Variants in TBCK observed in about 807,000 individuals in gnomAD.
The protein encoded by TBCK is TBC1 domain containing kinase, also known as TBC domain-containing protein kinase-like protein.
In TBCK, 99 loss-of-function variants were observed where a neutral mutation model predicts 113.4. That is an observed-to-expected ratio of 0.87 (90% CI 0.74 to 1.03). TBCK has a LOEUF of 1.03. Ranked by LOEUF, TBCK falls within the 50% of genes least tolerant of loss-of-function variation. The pLI is 0.00. For missense variants in TBCK, 1,045 were observed against 1,061.3 expected (o/e 0.98, Z 0.21); for synonymous variants, 369 against 370.8 (o/e 1.00, Z 0.05).
At chr4:106,184,888 T>C (rs961883327) in intron 22 of TBCK, among the ~76,000 whole-genome samples, 16 of 152,140 alleles carry the variant, frequency 1.1e-4, no homozygotes, top group Non-Finnish European at 4.4e-5. Context: ...TTTTCTATTC[T>C]TAACATAGTT....
At chr4:106,212,945 G>C in intron 19 of TBCK, 110 bp from the exon 20 acceptor site, 1 of 696,934 alleles carries the variant, frequency 1.4e-6, no homozygotes, top group Non-Finnish European at 2.4e-6. Flanking sequence ...TTCTCCATGA[G>C]AATACTTTAC....
chr4:106,151,649 G>A (rs1191880653), intron 23 of TBCK, among the ~76,000 whole-genome samples: 1 of 151,752 alleles, frequency 6.6e-6, no homozygotes, highest in Non-Finnish European at 1.5e-5. Context: ...ATTTTAATAG[G>A]GATTGCATTA....
chr4:106,212,111 G>A (rs750049123), intron 20 of TBCK, among the ~76,000 whole-genome samples: 6 of 151,892 alleles, frequency 4.0e-5, no homozygotes, highest in Non-Finnish European at 8.8e-5. Flanking sequence ...CCATCACCAA[G>A]CAGCTAACTT....
At chr4:106,192,900 A>C (rs997422724) in intron 22 of TBCK, among the ~76,000 whole-genome samples, 4 of 152,148 alleles carry the variant, frequency 2.6e-5, no homozygotes, top group African/African-American at 9.7e-5. Flanking sequence ...GGATGCTGTC[A>C]ATAAAGTACT....
In TBCK at chr4:106,116,345, A is replaced by C. The variant is rs1743500628; in HGVS notation, c.2269T>G (p.Ser757Ala). The change falls in exon 24 of 26, where the codon TCA becomes GCA. Residue 757 changes from serine to alanine, a missense_variant. Coordinates refer to ENST00000394708, the MANE Select transcript of TBCK (RefSeq NM_001163435.3). ...GCTGAAATCCGTGGTGATACTTCTG[A>C]CTTCAGGTCATTTAATGGGATGGAT... The part of the protein sequence containing the change: ...RESIPLNDLK[S>A]EVSPRISAED... 6.2e-7 allele frequency: 1 copy of C among 1,613,768 alleles called. No individual in the cohort carries two copies. The highest frequency in any genetic ancestry group is 8.5e-7 in the Non-Finnish European group (1 of 1,179,902).
Position 106,046,625 on chromosome 4 carries a change from C to T in TBCK, c.2627G>A (p.Gly876Asp), listed in dbSNP as rs1196537320. Residue 876 changes from glycine to aspartate, a missense_variant, in exon 26 of 26, where the codon GGC becomes GAC. Physicochemically the swap from Gly to Asp is moderately conservative, Grantham distance 94. Coordinates refer to ENST00000394708, the MANE Select transcript of TBCK (RefSeq NM_001163435.3). ...KYPRICILDG[G>D]INKIKPTGLL... ...GCCTGTTGGCTTTATTTTATTAATG[C>T]CACCATCTAGAATACAGATTCTTGG... The T allele has an allele frequency of 3.7e-6, 6 of 1,612,696 alleles. No homozygotes were observed. The highest frequency in any genetic ancestry group is 3.3e-5 in the Admixed American group (2 of 59,978).
At chr4:106,178,410 A>G (rs1284984794) in intron 22 of TBCK, among the ~76,000 whole-genome samples, 1 of 151,972 alleles carries the variant, frequency 6.6e-6, no homozygotes, top group African/African-American at 2.4e-5. Context: ...TTTACAAAAA[A>G]GCCTGTTGGT....
At chr4:106,244,082 C>G (rs774887493) in intron 11 of TBCK, among the ~76,000 whole-genome samples, 1 of 152,080 alleles carries the variant, frequency 6.6e-6, no homozygotes, top group African/African-American at 2.4e-5. Context: ...ACAATCTTAG[C>G]CCCAAGGCTG....
intron 23 of TBCK, among the ~76,000 whole-genome samples, chr4:106,119,988 C>T (rs868667718): frequency 2.6e-5 from 4 of 152,256 alleles, no homozygotes; most frequent in Non-Finnish European, 4.4e-5. Context: ...AGGAACAGCT[C>T]GGGTCTACAG....
intron 25 of TBCK, among the ~76,000 whole-genome samples, chr4:106,057,027 G>C (rs769476655): frequency 9.3e-4 from 142 of 151,894 alleles, no homozygotes; most frequent in Non-Finnish European, 1.7e-3. Flanking sequence ...TACAAAGAAA[G>C]TAAGGAAAGA....
rs189414779 is a variant in TBCK at position 106,043,315 on chromosome 4, T to C, written c.*3255A>G. 2 of 152,304 alleles carry C rather than the reference T, an allele frequency of 1.3e-5. No homozygotes were observed. Among genetic ancestry groups the C allele is most frequent in the Admixed American group, 6.5e-5 (1 of 15,300 alleles). 9.4% of individuals were successfully genotyped at this position (152,304 alleles called of 1,614,324 possible). ...TTAGAGCTGGATGGGACTTTAGAGA[T>C]CCTTTTTTCACTCCATGAATTGAGA... On this transcript the variant is annotated 3_prime_UTR_variant, in exon 26 of 26. Coordinates refer to ENST00000394708, the MANE Select transcript of TBCK (RefSeq NM_001163435.3).
chr4:106,233,378 A>G (rs1396179445), intron 16 of TBCK, among the ~76,000 whole-genome samples: 1 of 152,062 alleles, frequency 6.6e-6, no homozygotes, highest in African/African-American at 2.4e-5. Flanking sequence ...GAAGAACTAC[A>G]GTATTTTTAA....
chr4:106,124,120 T>G (rs1257654560), intron 23 of TBCK, among the ~76,000 whole-genome samples: 2 of 151,472 alleles, frequency 1.3e-5, no homozygotes, highest in African/African-American at 4.9e-5. Flanking sequence ...AGGGCTAATA[T>G]CCAGAATCTA....
chr4:106,257,687 G>C lies in TBCK; in HGVS notation c.455+2750C>G, dbSNP rs1345996747. On this transcript the variant is annotated intron_variant, in intron 5 of 25. Coordinates refer to ENST00000394708, the MANE Select transcript of TBCK (RefSeq NM_001163435.3). ...TCCAAATGAATGTGTGATATCTCTA[G>C]AAACAGCTGAAGTCTAGTGGAAGCA... 2.0e-5 allele frequency among the ~76,000 whole-genome samples: 3 copies of C among 152,006 alleles called. No homozygotes were observed. The South Asian group carries it at 6.2e-4, about 32-fold the overall frequency.
intron 22 of TBCK, among the ~76,000 whole-genome samples, chr4:106,172,010 T>G (rs1040673332): frequency 1.3e-5 from 2 of 152,062 alleles, no homozygotes; most frequent in African/African-American, 4.8e-5. Flanking sequence ...TTTTGTATTT[T>G]TAGTAGACAT....
At chr4:106,060,749 C>G (rs899598692) in intron 25 of TBCK, among the ~76,000 whole-genome samples, 6 of 151,770 alleles carry the variant, frequency 4.0e-5, no homozygotes, top group Non-Finnish European at 8.8e-5. Flanking sequence ...TCTGATGCAT[C>G]TGGGCAAAAT....
At chr4:106,070,260 T>C (rs1030961807) in intron 25 of TBCK, among the ~76,000 whole-genome samples, 6 of 152,342 alleles carry the variant, frequency 3.9e-5, no homozygotes, top group African/African-American at 1.4e-4. Flanking sequence ...CCATTCAGTA[T>C]GATATTGGCT....
chr4:106,113,338 C>T lies in TBCK; in HGVS notation c.2411+2865G>A, dbSNP rs569021685. On this transcript the variant is annotated intron_variant, in intron 24 of 25. Coordinates refer to ENST00000394708, the MANE Select transcript of TBCK (RefSeq NM_001163435.3). ...AAAAGGGGGAATATGAGTAAGGACC[C>T]TGCAACACTACTAGCACAAGCCTTA... Among the ~76,000 whole-genome samples, 13 of 152,278 alleles carry T rather than the reference C, an allele frequency of 8.5e-5. No homozygotes were observed. In the South Asian group the frequency reaches 2.7e-3, roughly 32 times the overall value.
intron 2 of TBCK, among the ~76,000 whole-genome samples, chr4:106,299,581 C>T (rs939652824): frequency 6.6e-6 from 1 of 152,182 alleles, no homozygotes; most frequent in Non-Finnish European, 1.5e-5. Context: ...CCATAATCCT[C>T]AGCAGAACAT....
Sources: allele counts gnomAD v4.1 joint callset (sites outside exome capture counted in the v4.1 genomes callset), GRCh38; gene constraint gnomAD v4.1.1; transcripts MANE v1.5; gene names NCBI Gene and HGNC (gene_info 2026-07-23, HGNC 2026-07-21).